Variants in PANX1 observed in about 807,000 individuals in gnomAD.
PANX1 encodes pannexin-1.
A neutral mutation model predicts 38.7 loss-of-function variants in PANX1; 30 were observed. The ratio of observed to expected loss-of-function variants is 0.78; its 90% CI spans 0.58 to 1.05. The LOEUF is 1.05. Ranked by LOEUF, PANX1 falls within the 50% of genes least tolerant of loss-of-function variation. The pLI is 0.00. For synonymous variants in PANX1, 230 were observed against 212.2 expected, an observed-to-expected ratio of 1.08 and a Z score of -0.73; for missense variants, 551 against 517.2, an observed-to-expected ratio of 1.07 and a Z score of -0.63.
chr11:94,178,371 T>C lies in PANX1; in HGVS notation c.324T>C (p.Phe108=). Residue 108 remains phenylalanine (F), a splice_region_variant and synonymous_variant, in exon 3 of 5, where the codon TTT becomes TTC. Transcript: ENST00000227638. ...SGNLPLWLHK[F]FPYILLLFAI... is the part of the protein sequence containing the mutation. ...TGATTTGTTCTCTTGTTTTTCAGTT[T>C]TTCCCCTACATCCTGCTGCTCTTTG... 6.2e-7 allele frequency: 1 copy of C among 1,613,500 alleles called. No homozygotes were observed. The highest frequency in any genetic ancestry group is 1.1e-5 in the South Asian group (1 of 91,062).
chr11:94,151,721 A>G (rs1437631989), intron 1 of PANX1, among the ~76,000 whole-genome samples: 3 of 152,186 alleles, frequency 2.0e-5, no homozygotes, highest in Non-Finnish European at 4.4e-5. Context: ...CTTAAGTTTA[A>G]TGGGATAAGA....
At chr11:94,144,908 T>G (rs545383530) in intron 1 of PANX1, among the ~76,000 whole-genome samples, 11 of 152,304 alleles carry the variant, frequency 7.2e-5, no homozygotes, top group African/African-American at 2.6e-4. Flanking sequence ...GCTCACAGGT[T>G]TCTTTTACTA....
In PANX1 at chr11:94,164,296, G is replaced by C. The variant is rs1314550426; in HGVS notation, c.321+10666G>C. 2.0e-5 allele frequency among the ~76,000 whole-genome samples: 3 copies of C among 152,152 alleles called. No homozygotes were observed. In the East Asian group the frequency reaches 5.8e-4, roughly 29 times the overall value. On this transcript the variant is annotated intron_variant, in intron 2 of 4. Transcript: ENST00000227638. ...GTTCTTTAAGATCTGTCATTAAGCT[G>C]TTTATTTGAAGTCTTTCTACTTTTT...
At chr11:94,153,203 G>A (rs1017782733) in intron 1 of PANX1, among the ~76,000 whole-genome samples, 2 of 151,924 alleles carry the variant, frequency 1.3e-5, no homozygotes, top group Admixed American at 6.6e-5. Context: ...TTGAATTCTG[G>A]GCTCTGGTTC....
At chr11:94,162,733 A>C (rs1224966187) in intron 2 of PANX1, among the ~76,000 whole-genome samples, 2 of 151,998 alleles carry the variant, frequency 1.3e-5, no homozygotes, top group Non-Finnish European at 2.9e-5. Context: ...TCCTGCCCCC[A>C]CTTTCTGACA....
intron 2 of PANX1, among the ~76,000 whole-genome samples, chr11:94,159,363 C>T (rs1946992804): frequency 6.6e-6 from 1 of 152,152 alleles, no homozygotes; most frequent in Non-Finnish European, 1.5e-5. Context: ...TAGAATTCGG[C>T]TGTGAATCCA....
chr11:94,180,096 G>A lies in PANX1; in HGVS notation c.1040G>A (p.Cys347Tyr). The stretch of plus-strand genomic sequence containing the variant: ...ATAAGTGAGGTCAAGTCATACAAGT[G>A]TCTTAAGGTACTGGAGAATATTAAG... ...ENISEVKSYK[C>Y]LKVLENIKSS... Residue 347 changes from cysteine (C) to tyrosine (Y), a missense_variant, in exon 4 of 5, where the codon TGT (cysteine) becomes TAT (tyrosine). Coordinates refer to ENST00000227638, the MANE Select transcript of PANX1 (RefSeq NM_015368.4). The A allele has an allele frequency of 6.2e-7, 1 of 1,614,072 alleles. No individual in the cohort carries two copies. The highest frequency in any genetic ancestry group is 1.1e-5 in the South Asian group (1 of 91,074).
At chr11:94,145,340 G>A (rs1415615951) in intron 1 of PANX1, among the ~76,000 whole-genome samples, 2 of 152,120 alleles carry the variant, frequency 1.3e-5, no homozygotes, top group Non-Finnish European at 2.9e-5. Context: ...GGATTCTAGT[G>A]CTGTTGGTTT....
intron 1 of PANX1, among the ~76,000 whole-genome samples, chr11:94,134,019 C>A (rs1946660108): frequency 7.2e-6 from 1 of 138,930 alleles, no homozygotes; most frequent in African/African-American, 3.5e-5. Flanking sequence ...TCCCAGACAC[C>A]TGCCTCTGAT....
At chr11:94,131,581 G>T (rs533719948) in intron 1 of PANX1, among the ~76,000 whole-genome samples, 9 of 152,206 alleles carry the variant, frequency 5.9e-5, no homozygotes, top group Non-Finnish European at 1.0e-4. Flanking sequence ...GCTGGTGAAG[G>T]TTGGCAGGCA....
intron 2 of PANX1, among the ~76,000 whole-genome samples, chr11:94,157,050 C>T (rs1183146861): frequency 6.6e-6 from 1 of 152,146 alleles, no homozygotes; most frequent in African/African-American, 2.4e-5. Flanking sequence ...CTACAAAGGA[C>T]ATGAACTCAT....
rs1398229673 is a variant in PANX1, at chr11:94,153,661, T to C, written c.321+31T>C. 4 of 1,605,418 alleles carry C rather than the reference T, an allele frequency of 2.5e-6. No homozygotes were observed. In the African/African-American group the frequency reaches 4.0e-5, roughly 16 times the overall value. The stretch of plus-strand genomic sequence containing the variant: ...GGGAGACATTTCCAAATAGAACCTG[T>C]TTGCTTTATAGATAAGGAAACTAAA... On this transcript the variant is annotated intron_variant, in intron 2 of 4. Transcript: ENST00000227638.
intron 1 of PANX1, among the ~76,000 whole-genome samples, chr11:94,137,789 CTT>C (rs1187521801): frequency 7.9e-6 from 1 of 126,728 alleles, no homozygotes; most frequent in Non-Finnish European, 1.6e-5. Context: ...AAAGATAAAA[CTT>C]ACTGTAGAAA....
intron 1 of PANX1, among the ~76,000 whole-genome samples, chr11:94,134,802 A>G (rs767906202): frequency 4.6e-5 from 7 of 152,112 alleles, no homozygotes; most frequent in Non-Finnish European, 8.8e-5. Flanking sequence ...TCTGCAAACT[A>G]GGAAAAGAGC....
chr11:94,153,347 G>T, intron 1 of PANX1, 144 bp from the exon 2 acceptor site: 1 of 745,512 alleles, frequency 1.3e-6, no homozygotes, highest in East Asian at 2.6e-5. Context: ...TATGAACTTG[G>T]GTGTTTGTTT....
chr11:94,134,576 A>T (rs1946665049), intron 1 of PANX1, among the ~76,000 whole-genome samples: 1 of 152,142 alleles, frequency 6.6e-6, no homozygotes, highest in Non-Finnish European at 1.5e-5. Context: ...GGATGAGATT[A>T]TGAGAGTGGG....
intron 2 of PANX1, among the ~76,000 whole-genome samples, chr11:94,165,030 A>G (rs969980963): frequency 6.6e-6 from 1 of 151,958 alleles, no homozygotes; most frequent in African/African-American, 2.4e-5. Context: ...CATGGAATAT[A>G]TTTTTCAGCC....
chr11:94,152,281 G>GT (rs1027028624), intron 1 of PANX1, among the ~76,000 whole-genome samples: 2 of 152,192 alleles, frequency 1.3e-5, no homozygotes, highest in East Asian at 1.9e-4. Flanking sequence ...TTTTTTGTGT[G>GT]TTTTTTTAAT....
chr11:94,160,095 G>T (rs1227093676), intron 2 of PANX1, among the ~76,000 whole-genome samples: 4 of 152,096 alleles, frequency 2.6e-5, no homozygotes, highest in African/African-American at 9.7e-5. Context: ...CTGAGAGACA[G>T]TTTGTTATAA....
Sources: gnomAD v4.1 joint callset for allele counts (sites outside exome capture counted in the v4.1 genomes callset) on GRCh38, gnomAD v4.1.1 for gene constraint, MANE v1.5 for transcripts, NCBI Gene and HGNC (gene_info 2026-07-23, HGNC 2026-07-21) for gene names.